LACRT: variants seen among roughly 807,000 people sequenced by gnomAD.
LACRT encodes the protein extracellular glycoprotein lacritin.
LACRT carries 14 observed loss-of-function variants against 14.5 expected under a neutral mutation model. The ratio of observed to expected loss-of-function variants is 0.96; its 90% CI spans 0.64 to 1.51. The LOEUF (loss-of-function observed/expected upper bound fraction) is 1.51. Among genes scored for constraint, LACRT ranks in the 40% most tolerant of loss-of-function variants. The pLI is 0.00. For missense variants in LACRT, 156 were observed against 161.8 expected (o/e 0.96, Z 0.19); for synonymous variants, 70 against 63.5 (o/e 1.10, Z -0.48).
chr12:54,632,513 C>A, intron 2 of LACRT, 132 bp from the exon 3 acceptor site: 1 of 1,044,830 alleles, frequency 9.6e-7, no homozygotes, highest in Non-Finnish European at 1.4e-6. Context: ...TTAAACGCTG[C>A]CCCCTTAAGG....
intron 2 of LACRT, 112 bp downstream of exon 2, chr12:54,633,068 A>G (rs1958163533): frequency 9.7e-7 from 1 of 1,034,940 alleles, no homozygotes; most frequent in South Asian, 1.3e-5. Context: ...ATTACCACCA[A>G]GCACAGAATC....
intron 1 of LACRT, among the ~76,000 whole-genome samples, chr12:54,633,980 G>C (rs1288205418): frequency 6.6e-6 from 1 of 152,044 alleles, no homozygotes; most frequent in African/African-American, 2.4e-5. Context: ...TTCTAGACGA[G>C]GAAAGGACAA....
chr12:54,634,638 C>T (rs1250518216), intron 1 of LACRT, 146 bp downstream of exon 1: 10 of 779,952 alleles, frequency 1.3e-5, no homozygotes, highest in South Asian at 7.8e-5. Flanking sequence ...GCAGAGGCCA[C>T]GTGTGGAGAA....
chr12:54,633,306 T>A (rs1958165858), intron 1 of LACRT, 73 bp from the exon 2 acceptor site: 1 of 1,293,842 alleles, frequency 7.7e-7, no homozygotes, highest in Non-Finnish European at 1.1e-6. Context: ...TCCCCTCCCA[T>A]TCCCAAAGCT....
At chr12:54,631,629 C>T (rs766433788) in intron 4 of LACRT, 109 bp downstream of exon 4, 12 of 783,146 alleles carry the variant, frequency 1.5e-5, no homozygotes, top group Non-Finnish European at 2.5e-5. Flanking sequence ...AATTCCAAGT[C>T]TCATATGTGA....
intron 1 of LACRT, among the ~76,000 whole-genome samples, chr12:54,634,350 TCAA>T: frequency 1.8e-5 from 1 of 54,998 alleles, no homozygotes; most frequent in Admixed American, 1.9e-4. Context: ...AGACTCGGTC[TCAA>T]AAAAAAAAAA....
In LACRT at chr12:54,631,798, G is replaced by A. The variant is rs1262995295; in HGVS notation, c.295C>T (p.Leu99Phe). The change falls in exon 4 of 5, where the codon CTT becomes TTT. Residue 99 changes from leucine to phenylalanine, a missense_variant. Transcript: ENST00000257867. The part of the protein sequence containing the change: ...EKSILLTEQA[L>F]AKAGKGMHGG... The stretch of plus-strand genomic sequence containing the variant: ...TGCATTCCTTTTCCTGCTTTTGCAA[G>A]GGCTTGTTCTGTTAGTAAGATACTT... 6.2e-7 allele frequency: 1 copy of A among 1,613,914 alleles called. No individual in the cohort carries two copies.
At position 54,633,213 on chromosome 12, in the gene LACRT, T is replaced by C. The variant is rs758050465; in HGVS notation, c.79A>G (p.Thr27Ala). The change falls in exon 2 of 5, where the codon ACG becomes GCG. Residue 27 changes from threonine to alanine, a missense_variant. Coordinates refer to ENST00000257867, the MANE Select transcript of LACRT (RefSeq NM_033277.2). ...GCTTCCTGGGCAGGATCAGCACCCGTCGAGTCAGAGGAGGCATCTTCTGCA... is the reference window on the plus strand; with the variant it reads ...GCTTCCTGGGCAGGATCAGCACCCGCCGAGTCAGAGGAGGCATCTTCTGCA... ...VYAEDASSDS[T>A]GADPAQEAGT... The C allele has an allele frequency of 2.0e-5, 33 of 1,613,658 alleles. No homozygotes were observed. The highest frequency in any genetic ancestry group is 2.8e-5 in the Non-Finnish European group (33 of 1,179,884).
At chr12:54,633,283 A>G in intron 1 of LACRT, 50 bp from the exon 2 acceptor site, 1 of 1,509,532 alleles carries the variant, frequency 6.6e-7, no homozygotes, top group Non-Finnish European at 9.2e-7. Context: ...AACCGGACCT[A>G]CTCGAGCCAC....
In LACRT at chr12:54,634,891, G is replaced by A. The variant is rs376656612; in HGVS notation, c.-50C>T. 369 of 1,491,556 alleles carry A rather than the reference G, an allele frequency of 2.5e-4. 1 individual carries two copies. The highest frequency in any genetic ancestry group is 3.3e-4 in the Non-Finnish European group (351 of 1,068,780). The allele number at this position is 1,491,556 out of a possible 1,614,324, so 92.4% of individuals were successfully genotyped here. ...ACCACAGAATCTGCAGAAGGTCTGG[G>A]GAATAAGGATGCTGAAATTGCTGGG... On this transcript the variant is annotated 5_prime_UTR_variant, in exon 1 of 5. Coordinates refer to ENST00000257867, the MANE Select transcript of LACRT (RefSeq NM_033277.2).
rs74089712 is a variant in LACRT at position 54,632,299 on chromosome 12, C to T, written c.195G>A (p.Ala65=). ...ETTTTAQETS[A]AAVQGTAKVT... ...CCTTGGCTGTCCCCTGAACTGCTGC[C>T]GCCGAAGTCTCCTGGGCTGTTGTGG... The change falls in exon 3 of 5, where the codon GCG becomes GCA. Residue 65 remains alanine (A), a synonymous_variant. Coordinates refer to ENST00000257867, the MANE Select transcript of LACRT (RefSeq NM_033277.2). 2.5e-3 allele frequency: 3,995 copies of T among 1,614,002 alleles called. 86 individuals are homozygous for T. In the African/African-American group the frequency reaches 0.045, roughly 18 times the overall value.
Position 54,634,805 on chromosome 12 carries a change from C to T in LACRT, c.37G>A (p.Ala13Thr). The T allele has an allele frequency of 6.2e-7, 1 of 1,613,924 alleles. No homozygotes were observed. The highest frequency in any genetic ancestry group is 8.5e-7 in the Non-Finnish European group (1 of 1,179,872). Residue 13 changes from alanine to threonine, a missense_variant, in exon 1 of 5, where the codon GCA becomes ACA. Transcript: ENST00000257867. Reference sequence around the variant, plus strand: ...TCACCAGCATAGACCAGGGCCCCTGCTACAGCTGCCAAGAAGAGGAGAGTG... The same window carrying T: ...TCACCAGCATAGACCAGGGCCCCTGTTACAGCTGCCAAGAAGAGGAGAGTG... ...FTTLLFLAAV[A>T]GALVYAEDAS...
Position 54,632,941 on chromosome 12 carries a change from T to C in LACRT, c.112+239A>G, listed in dbSNP as rs562636096. 1.7e-4 allele frequency among the ~76,000 whole-genome samples: 26 copies of C among 152,246 alleles called. No individual in the cohort carries two copies. The South Asian group carries it at 5.2e-3, about 30-fold the overall frequency. On this transcript the variant is annotated intron_variant, in intron 2 of 4. Transcript: ENST00000257867. ...ATGTTTCTCTCCCTTTTATTCACAA[T>C]AACCTTTTCCCCATGCTCCCTATTG...
chr12:54,634,827 A>G lies in LACRT; in HGVS notation c.15T>C (p.Thr5=), dbSNP rs1386479174. 1.2e-6 allele frequency: 2 copies of G among 1,613,588 alleles called. No individual in the cohort carries two copies. The highest frequency in any genetic ancestry group is 1.3e-5 in the African/African-American group (1 of 74,876). ...CTGCTACAGCTGCCAAGAAGAGGAG[A>G]GTGGTAAATTTCATTCTTTGGGATG... MKFT[T]LLFLAAVAGA... The change falls in exon 1 of 5, where the codon ACT becomes ACC. Residue 5 remains threonine (T), a synonymous_variant. Coordinates refer to ENST00000257867, the MANE Select transcript of LACRT (RefSeq NM_033277.2).
At chr12:54,633,072 C>A in intron 2 of LACRT, 108 bp downstream of exon 2, 1 of 1,074,762 alleles carries the variant, frequency 9.3e-7, no homozygotes, top group Non-Finnish European at 1.5e-6. Context: ...CCACCAAGCA[C>A]AGAATCCAGA....
chr12:54,633,138 C>A (rs530327222), intron 2 of LACRT, 42 bp downstream of exon 2: 1 of 1,598,694 alleles, frequency 6.3e-7, no homozygotes, highest in African/African-American at 1.3e-5. Context: ...ACTGTTAAAC[C>A]TTCCCAACGA....
At chr12:54,632,765 C>T (rs547663013) in intron 2 of LACRT, among the ~76,000 whole-genome samples, 12 of 151,780 alleles carry the variant, frequency 7.9e-5, no homozygotes, top group South Asian at 2.1e-4. Flanking sequence ...GATGTGGGTG[C>T]GACATAAAAG....
At chr12:54,634,756 T>G in intron 1 of LACRT, 28 bp downstream of exon 1, 1 of 1,606,140 alleles carries the variant, frequency 6.2e-7, no homozygotes, top group Middle Eastern at 1.7e-4. Context: ...AGGACTCTTG[T>G]GGGGCGCAGA....
chr12:54,630,999 C>T (rs1469327847), intron 4 of LACRT, 46 bp from the exon 5 acceptor site: 1 of 1,146,096 alleles, frequency 8.7e-7, no homozygotes, highest in Non-Finnish European at 1.3e-6. Flanking sequence ...ACCCCAGGCA[C>T]CAGCTCCACC....
Sources: allele counts gnomAD v4.1 joint callset (sites outside exome capture counted in the v4.1 genomes callset), GRCh38; gene constraint gnomAD v4.1.1; transcripts MANE v1.5; gene names NCBI Gene and HGNC (gene_info 2026-07-23, HGNC 2026-07-21).